Variants in HS3ST3A1 observed in about 807,000 individuals in gnomAD.
The protein encoded by HS3ST3A1 is heparan sulfate-glucosamine 3-sulfotransferase 3A1, also known as heparan sulfate glucosamine 3-O-sulfotransferase 3A1.
HS3ST3A1 carries 19 observed loss-of-function variants against 25.7 expected under a neutral mutation model. The ratio of observed to expected loss-of-function variants is 0.74; its 90% CI spans 0.52 to 1.08. The LOEUF (loss-of-function observed/expected upper bound fraction) is 1.08, where lower values mean the gene tolerates loss of function less well. HS3ST3A1 is among the 50% of genes least tolerant of loss of function. The probability of loss-of-function intolerance (pLI) is 0.00; values close to 1 mark genes in which losing one functional copy is unlikely to be tolerated. For missense variants in HS3ST3A1, 459 were observed against 594.3 expected (o/e 0.77, Z 2.37); for synonymous variants, 226 against 278.6 (o/e 0.81, Z 1.88).
At chr17:13,584,152 A>C (rs1908185983) in intron 1 of HS3ST3A1, among the ~76,000 whole-genome samples, 1 of 152,226 alleles carries the variant, frequency 6.6e-6, no homozygotes, top group Non-Finnish European at 1.5e-5. Context: ...AAAAACCATA[A>C]GGTATTTAAA....
chr17:13,536,039 A>G (rs796164178), intron 1 of HS3ST3A1, among the ~76,000 whole-genome samples: 25 of 152,354 alleles, frequency 1.6e-4, no homozygotes, highest in African/African-American at 5.8e-4. Context: ...ACTGCTGGAC[A>G]GAGTTCTATT....
At chr17:13,542,395 T>C (rs1320365184) in intron 1 of HS3ST3A1, among the ~76,000 whole-genome samples, 1 of 149,780 alleles carries the variant, frequency 6.7e-6, no homozygotes, top group African/African-American at 2.5e-5. Context: ...ACAGAATTGG[T>C]GTTCTTAAAG....
intron 1 of HS3ST3A1, chr17:13,556,188 C>T (rs1205254786): frequency 2.6e-5 from 4 of 152,284 alleles, no homozygotes. Context: ...ACTTCAATCT[C>T]CCTAGATTTG....
In HS3ST3A1 at chr17:13,600,532, G is replaced by T. The variant is rs778871842; in HGVS notation, c.598C>A (p.Arg200=). Residue 200 remains arginine, a splice_region_variant and synonymous_variant, in exon 1 of 2, where the codon CGG becomes AGG. Coordinates refer to ENST00000284110, the MANE Select transcript of HS3ST3A1 (RefSeq NM_006042.3). ...CCAGCCCGGGCCCGCCCCGCTCACC[G>T]GTACCAGGCGAGGCCCTTGTCGTAG... is the stretch of plus-strand genomic sequence containing the variant. ...RSYDKGLAWY[R]DLMPRTLDGQ... 12 of 1,594,502 alleles carry T rather than the reference G, an allele frequency of 7.5e-6. No homozygotes were observed. Among genetic ancestry groups the T allele is most frequent in the African/African-American group, 6.7e-5 (5 of 74,138 alleles).
intron 1 of HS3ST3A1, among the ~76,000 whole-genome samples, chr17:13,510,203 T>A (rs1905814874): frequency 6.6e-6 from 1 of 152,236 alleles, no homozygotes; most frequent in African/African-American, 2.4e-5. Context: ...TAGGCTGATC[T>A]GCGCTCTTGA....
In HS3ST3A1 at chr17:13,496,172, T is replaced by TTC; in HGVS notation, c.*24_*25insGA. 6.5e-7 allele frequency: 1 copy of TTC among 1,538,442 alleles called. No individual in the cohort carries two copies. The highest frequency in any genetic ancestry group is 2.2e-5 in the Admixed American group (1 of 46,200). ...TAAAAAAATATATTATATTTTGATTTTTTTTTTCTTTTTAAATTATATGGT... is the reference window on the plus strand; with the variant it reads ...TAAAAAAATATATTATATTTTGATTTTCTTTTTTTCTTTTTAAATTATATGGT... On this transcript the variant is annotated 3_prime_UTR_variant, in exon 2 of 2. Coordinates refer to ENST00000284110, the MANE Select transcript of HS3ST3A1 (RefSeq NM_006042.3).
intron 1 of HS3ST3A1, among the ~76,000 whole-genome samples, chr17:13,582,349 T>C (rs1598432707): frequency 6.6e-6 from 1 of 152,250 alleles, no homozygotes; most frequent in African/African-American, 2.4e-5. Context: ...AATCAATGTA[T>C]TGAAGTTGCT....
chr17:13,578,267 G>A (rs938193854), intron 1 of HS3ST3A1, among the ~76,000 whole-genome samples: 2 of 150,786 alleles, frequency 1.3e-5, no homozygotes, highest in Non-Finnish European at 3.0e-5. Context: ...GGGTTTCCAG[G>A]CCGGGAATGG....
intron 1 of HS3ST3A1, among the ~76,000 whole-genome samples, chr17:13,536,608 G>T (rs78194890): frequency 0.015 from 2,328 of 152,256 alleles, 56 homozygotes; most frequent in African/African-American, 0.053. Flanking sequence ...CCACGCCCAC[G>T]TTTAACACCC....
intron 1 of HS3ST3A1, among the ~76,000 whole-genome samples, chr17:13,510,454 C>T (rs1264343827): frequency 1.3e-5 from 2 of 152,086 alleles, no homozygotes; most frequent in East Asian, 1.9e-4. Context: ...AAAGGTTCTT[C>T]GTCATATTTT....
At chr17:13,550,878 C>T (rs1907220657) in intron 1 of HS3ST3A1, among the ~76,000 whole-genome samples, 1 of 152,094 alleles carries the variant, frequency 6.6e-6, no homozygotes, top group African/African-American at 2.4e-5. Context: ...ACCATCCTGG[C>T]TAGCAGAGTG....
At chr17:13,532,418 G>T (rs1402078554) in intron 1 of HS3ST3A1, among the ~76,000 whole-genome samples, 2 of 152,070 alleles carry the variant, frequency 1.3e-5, no homozygotes, top group African/African-American at 2.4e-5. Context: ...AGGCTGTTGG[G>T]GGTCAGAAGC....
chr17:13,553,828 T>G (rs1254436859), intron 1 of HS3ST3A1, among the ~76,000 whole-genome samples: 1 of 152,152 alleles, frequency 6.6e-6, no homozygotes, highest in Non-Finnish European at 1.5e-5. Context: ...CTCAGGTACT[T>G]CCTTTGAAAT....
intron 1 of HS3ST3A1, among the ~76,000 whole-genome samples, chr17:13,498,891 G>T (rs543348628): frequency 6.6e-6 from 1 of 151,620 alleles, no homozygotes; most frequent in East Asian, 1.9e-4. Flanking sequence ...CAACCCTTCA[G>T]GAGTTGAAGG....
At chr17:13,580,745 G>A (rs1366109010) in intron 1 of HS3ST3A1, among the ~76,000 whole-genome samples, 1 of 152,030 alleles carries the variant, frequency 6.6e-6, no homozygotes, top group Non-Finnish European at 1.5e-5. Context: ...TACAAAATTA[G>A]CCGGACGTGG....
intron 1 of HS3ST3A1, among the ~76,000 whole-genome samples, chr17:13,549,644 C>G (rs1321171691): frequency 1.3e-5 from 2 of 152,196 alleles, no homozygotes; most frequent in Non-Finnish European, 2.9e-5. Context: ...GCTCCCCACT[C>G]TACTGGGCTC....
chr17:13,544,050 A>G (rs1907012422), intron 1 of HS3ST3A1, among the ~76,000 whole-genome samples: 1 of 152,248 alleles, frequency 6.6e-6, no homozygotes. Context: ...TAAAGCATCA[A>G]ATAAATAGAA....
In HS3ST3A1 at chr17:13,496,778, C is replaced by T. The variant is rs1905296488; in HGVS notation, c.640G>A (p.Glu214Lys). Residue 214 changes from glutamate (E) to lysine (K), a missense_variant, in exon 2 of 2, where the codon GAG becomes AAG. Physicochemically the swap from Glu to Lys is moderately conservative, Grantham distance 56. Around this residue, in one of 3 missense-constraint regions of HS3ST3A1, gnomAD observed 67 missense variants for 231.4 expected, o/e 0.29. Transcript: ENST00000284110. ...PRTLDGQITM[E>K]KTPSYFVTRE... ...GTGACGAAGTAACTGGGCGTCTTCT[C>T]CATGGTGATCTGCCCGTCCAGGGTT... 1.9e-6 allele frequency: 3 copies of T among 1,614,010 alleles called. No homozygotes were observed. The highest frequency in any genetic ancestry group is 8.5e-7 in the Non-Finnish European group (1 of 1,179,904).
intron 1 of HS3ST3A1, among the ~76,000 whole-genome samples, chr17:13,565,093 TC>T (rs1907644833): frequency 1.3e-5 from 2 of 152,204 alleles, no homozygotes; most frequent in Non-Finnish European, 2.9e-5. Context: ...TTTTTTCTTT[TC>T]TTTTATTGGA....
Sources: gnomAD v4.1 joint callset for allele counts (sites outside exome capture counted in the v4.1 genomes callset) on GRCh38, gnomAD v4.1.1 for gene constraint, gnomAD v4.1.1 regional missense constraint, MANE v1.5 for transcripts, NCBI Gene and HGNC (gene_info 2026-07-23, HGNC 2026-07-21) for gene names.